COL23A1: variants seen among roughly 807,000 people sequenced by gnomAD.
The protein encoded by COL23A1 is collagen type XXIII alpha 1 chain.
COL23A1 carries 97 observed loss-of-function variants against 99.3 expected under a neutral mutation model. The ratio of observed to expected loss-of-function variants is 0.98; its 90% CI spans 0.83 to 1.16. COL23A1 has a LOEUF of 1.16. COL23A1 is among the 50% of genes most tolerant of loss of function. The probability of loss-of-function intolerance (pLI) is 0.00; values close to 1 mark genes in which losing one functional copy is unlikely to be tolerated. For missense variants in COL23A1, 762 were observed against 757.4 expected (o/e 1.01, Z -0.07); for synonymous variants, 320 against 308.2 (o/e 1.04, Z -0.40).
intron 2 of COL23A1, among the ~76,000 whole-genome samples, chr5:178,445,715 A>G (rs1767120412): frequency 6.6e-6 from 1 of 152,140 alleles, no homozygotes; most frequent in African/African-American, 2.4e-5. Context: ...AAACCTTAGA[A>G]GCACTAGAAG....
chr5:178,464,814 A>G (rs991272477), intron 2 of COL23A1, among the ~76,000 whole-genome samples: 3 of 152,254 alleles, frequency 2.0e-5, no homozygotes, highest in African/African-American at 7.2e-5. Flanking sequence ...TCAGCCTTAT[A>G]ACAATTCCAT....
At position 178,244,225 on chromosome 5, in the gene COL23A1, G is replaced by A. The variant is rs374629136; in HGVS notation, c.1440+1717C>T. 1.1e-4 allele frequency among the ~76,000 whole-genome samples: 16 copies of A among 151,040 alleles called. No individual in the cohort carries two copies. In the South Asian group the frequency reaches 1.3e-3, roughly 12 times the overall value. ...AGGATGGTCTCTATCTCTTGACCTCGTGATCCACCCGCCTCGGCTTCCCAA... is the reference window on the plus strand; with the variant it reads ...AGGATGGTCTCTATCTCTTGACCTCATGATCCACCCGCCTCGGCTTCCCAA... On this transcript the variant is annotated intron_variant, in intron 25 of 28. Coordinates refer to ENST00000390654, the MANE Select transcript of COL23A1 (RefSeq NM_173465.4).
intron 2 of COL23A1, among the ~76,000 whole-genome samples, chr5:178,354,910 T>C (rs1320703094): frequency 6.6e-6 from 1 of 151,494 alleles, no homozygotes. Flanking sequence ...TACAAAAAAT[T>C]AGTTGGGCAT....
At chr5:178,469,732 C>T (rs982976733) in intron 2 of COL23A1, among the ~76,000 whole-genome samples, 1 of 152,046 alleles carries the variant, frequency 6.6e-6, no homozygotes, top group African/African-American at 2.4e-5. Flanking sequence ...TCAAGAGGAC[C>T]CTCGCCGAGG....
At chr5:178,371,172 T>C (rs1762781775) in intron 2 of COL23A1, among the ~76,000 whole-genome samples, 1 of 152,148 alleles carries the variant, frequency 6.6e-6, no homozygotes, top group Non-Finnish European at 1.5e-5. Context: ...AATAAATACA[T>C]AATAAATACA....
At chr5:178,562,070 T>C (rs890738446) in intron 1 of COL23A1, 3 of 533,062 alleles carry the variant, frequency 5.6e-6, no homozygotes, top group Non-Finnish European at 1.1e-5. Context: ...GGTGGGTTCG[T>C]GGTCTCGCTG....
At chr5:178,294,941 A>T (rs533129069) in intron 3 of COL23A1, among the ~76,000 whole-genome samples, 1 of 152,378 alleles carries the variant, frequency 6.6e-6, no homozygotes, top group East Asian at 1.9e-4. Context: ...CAGGAGTTTG[A>T]GATCAGCCTG....
intron 20 of COL23A1, 41 bp from the exon 21 acceptor site, chr5:178,247,872 C>A: frequency 6.4e-7 from 1 of 1,561,902 alleles, no homozygotes; most frequent in South Asian, 1.1e-5. Flanking sequence ...CACCGCCTGT[C>A]ACCCTCACCT....
chr5:178,312,944 C>G (rs911611592), intron 2 of COL23A1, among the ~76,000 whole-genome samples: 1 of 152,202 alleles, frequency 6.6e-6, no homozygotes, highest in Non-Finnish European at 1.5e-5. Context: ...TGGAAGCAAC[C>G]CAAACGTCCA....
chr5:178,447,089 T>A lies in COL23A1; in HGVS notation c.361+113593A>T, dbSNP rs147252409. On this transcript the variant is annotated intron_variant, in intron 2 of 28. Transcript: ENST00000390654. ...GCAGCTATATTACCTTTATTCTTTT[T>A]TTATTATTATTTTTTTTTTTCTGAG... Among the ~76,000 whole-genome samples, 553 of 145,548 alleles carry A rather than the reference T, an allele frequency of 3.8e-3. 6 individuals carry two copies. Among genetic ancestry groups the A allele is most frequent in the African/African-American group, 0.014 (515 of 36,336 alleles).
Position 178,255,104 on chromosome 5 carries a change from C to T in COL23A1, c.883-78G>A. 1 of 1,204,406 alleles carries T rather than the reference C, an allele frequency of 8.3e-7. No individual in the cohort carries two copies. The highest frequency in any genetic ancestry group is 1.2e-6 in the Non-Finnish European group (1 of 812,264). 74.6% of individuals were successfully genotyped at this position (1,204,406 alleles called of 1,614,324 possible). A position where few individuals can be genotyped will look rare whatever the true frequency, so the allele number is the denominator to read the frequency against. On this transcript the variant is annotated intron_variant, in intron 15 of 28. Transcript: ENST00000390654. The surrounding 1 kb of genome is among the most constrained non-coding windows in gnomAD (Gnocchi z 4.2). ...GGTGAAGTGGCAGCTGTCCCTGCAT[C>T]ACATCCAGAGAGAAAGCAATGGAAG... is the stretch of plus-strand genomic sequence containing the variant.
intron 2 of COL23A1, among the ~76,000 whole-genome samples, chr5:178,332,924 C>G (rs1450029504): frequency 6.6e-6 from 1 of 151,440 alleles, no homozygotes; most frequent in African/African-American, 2.4e-5. Context: ...TGAAATATCT[C>G]TTATTTTTCA....
At chr5:178,260,166 AG>A (rs1258337419) in intron 11 of COL23A1, among the ~76,000 whole-genome samples, 9 of 152,334 alleles carry the variant, frequency 5.9e-5, no homozygotes, top group African/African-American at 2.2e-4. Flanking sequence ...AGGCTGGACA[AG>A]CTAACATGGT....
intron 2 of COL23A1, among the ~76,000 whole-genome samples, chr5:178,372,817 C>G (rs1762868505): frequency 6.6e-6 from 1 of 152,220 alleles, no homozygotes; most frequent in African/African-American, 2.4e-5. Context: ...CTTAAGTGAT[C>G]TGCCTGTCTC....
rs1760595691 is a variant in COL23A1 at position 178,340,555 on chromosome 5, T to C, written c.362-33636A>G. Among the ~76,000 whole-genome samples, 1 of 152,196 alleles carries C rather than the reference T, an allele frequency of 6.6e-6. No homozygotes were observed. Among genetic ancestry groups the C allele is most frequent in the South Asian group, 2.1e-4 (1 of 4,822 alleles). ...CTGGTGCATGCGAACCATCTAGGAA[T>C]CTTGCGGAAATCCAGGGGCTGACGC... is the stretch of plus-strand genomic sequence containing the variant. On this transcript the variant is annotated intron_variant, in intron 2 of 28. Transcript: ENST00000390654. The surrounding 1 kb of genome is among the most constrained non-coding windows in gnomAD (Gnocchi z 4.7).
chr5:178,242,347 T>G lies in COL23A1; in HGVS notation c.1488A>C (p.Gly496=). 1.2e-6 allele frequency: 2 copies of G among 1,613,900 alleles called. No homozygotes were observed. The highest frequency in any genetic ancestry group is 1.7e-6 in the Non-Finnish European group (2 of 1,179,960). ...RGEKGDRSER[G]EKGERGVPGR... is the part of the protein sequence containing the mutation. Reference sequence around the variant, plus strand: ...CCCGTCCAGCTGCCCTCACCTTCTCTCCACGCTCGCTCCGATCACCTTTCT... The same window carrying G: ...CCCGTCCAGCTGCCCTCACCTTCTCGCCACGCTCGCTCCGATCACCTTTCT... The change falls in exon 26 of 29, where the codon GGA becomes GGC. Residue 496 remains glycine, a synonymous_variant. Transcript: ENST00000390654.
At chr5:178,399,316 G>T (rs1242812240) in intron 2 of COL23A1, among the ~76,000 whole-genome samples, 4 of 152,188 alleles carry the variant, frequency 2.6e-5, no homozygotes, top group Non-Finnish European at 5.9e-5. Context: ...GAGGGCCCCT[G>T]GGAGGGAGAG....
chr5:178,358,769 G>GTA (rs1762019013), intron 2 of COL23A1, among the ~76,000 whole-genome samples: 1 of 148,724 alleles, frequency 6.7e-6, no homozygotes, highest in South Asian at 2.1e-4. Context: ...GTGTGTATGT[G>GTA]TGTGTATGTG....
intron 2 of COL23A1, among the ~76,000 whole-genome samples, chr5:178,410,481 A>C (rs1765003416): frequency 6.6e-6 from 1 of 152,236 alleles, no homozygotes; most frequent in South Asian, 2.1e-4. Flanking sequence ...CTTACTACAA[A>C]GCTATGGTAA....
Sources: allele counts gnomAD v4.1 joint callset (sites outside exome capture counted in the v4.1 genomes callset), GRCh38; gene constraint gnomAD v4.1.1; non-coding constraint Gnocchi (gnomAD v3.1); transcripts MANE v1.5; gene names NCBI Gene and HGNC (gene_info 2026-07-23, HGNC 2026-07-21).